NELL2: variants seen among roughly 807,000 people sequenced by gnomAD.
The protein encoded by NELL2 is protein kinase C-binding protein NELL2.
Under a neutral mutation model 109.6 loss-of-function variants are expected in NELL2, and 41 were observed. That is an observed-to-expected ratio of 0.37 (90% CI 0.29 to 0.49). The LOEUF (loss-of-function observed/expected upper bound fraction) is 0.49, where lower values mean the gene tolerates loss of function less well. NELL2 is among the 20% of genes least tolerant of loss of function. The pLI is 0.98. For missense variants in NELL2, 900 were observed against 1,008.3 expected (o/e 0.89, Z 1.45); for synonymous variants, 355 against 344.7 (o/e 1.03, Z -0.33).
intron 2 of NELL2, among the ~76,000 whole-genome samples, chr12:44,821,058 C>CAG (rs1566470822): frequency 6.6e-6 from 1 of 151,204 alleles, no homozygotes; most frequent in Non-Finnish European, 1.5e-5. Context: ...CACACACACA[C>CAG]ACACACACAC....
chr12:44,565,041 C>T (rs1943602980), intron 15 of NELL2, among the ~76,000 whole-genome samples: 1 of 152,132 alleles, frequency 6.6e-6, no homozygotes, highest in Non-Finnish European at 1.5e-5. Context: ...TTTCCTAGAC[C>T]TATGAAATCA....
chr12:44,522,394 C>T (rs1194221647), intron 17 of NELL2, among the ~76,000 whole-genome samples: 1 of 152,080 alleles, frequency 6.6e-6, no homozygotes, highest in Non-Finnish European at 1.5e-5. Context: ...ACATACTACT[C>T]CTCAAATGAC....
chr12:44,676,597 T>C (rs1948328828), intron 12 of NELL2, among the ~76,000 whole-genome samples: 1 of 152,172 alleles, frequency 6.6e-6, no homozygotes, highest in African/African-American at 2.4e-5. Flanking sequence ...TCATTCATTT[T>C]GTAATTTCAT....
In NELL2 at chr12:44,523,131, T is replaced by C. The variant is rs73282350; in HGVS notation, c.1998+160A>G. The C allele has an allele frequency of 1.0e-2, 7,421 of 744,376 alleles. 377 individuals carry two copies. The African/African-American group carries it at 0.12, about 12-fold the overall frequency. The allele number at this position is 744,376 out of a possible 1,614,324, so 46.1% of individuals were successfully genotyped here. On this transcript the variant is annotated intron_variant, in intron 17 of 19. Transcript: ENST00000429094. ...TTGTGGGACTAACTAGGAAAGAACA[T>C]AGGCAACATTTGGGATAATGGAAGT...
chr12:44,879,030 C>T (rs926747468), upstream of NELL2, among the ~76,000 whole-genome samples: 6 of 151,930 alleles, frequency 3.9e-5, no homozygotes, highest in South Asian at 2.1e-4. Flanking sequence ...AATATAATCA[C>T]GAGGGCCCTT....
chr12:44,743,828 T>C (rs568555776), intron 9 of NELL2, among the ~76,000 whole-genome samples: 11 of 152,254 alleles, frequency 7.2e-5, no homozygotes, highest in Admixed American at 3.3e-4. Context: ...CAAAGAGACT[T>C]AGACTCCCAC....
intron 3 of NELL2, among the ~76,000 whole-genome samples, chr12:44,781,781 G>A (rs548898391): frequency 2.0e-5 from 3 of 152,098 alleles, no homozygotes; most frequent in South Asian, 2.1e-4. Context: ...AGCTGTACAC[G>A]TAGAATTGTA....
intron 9 of NELL2, among the ~76,000 whole-genome samples, chr12:44,716,644 T>C (rs1281370312): frequency 6.6e-6 from 1 of 152,154 alleles, no homozygotes; most frequent in Non-Finnish European, 1.5e-5. Flanking sequence ...TAATAAGTAC[T>C]ATATTTTATA....
chr12:44,694,520 A>ACACACACACACACAC (rs1948995456), intron 12 of NELL2, among the ~76,000 whole-genome samples: 3 of 144,308 alleles, frequency 2.1e-5, no homozygotes, highest in African/African-American at 7.7e-5. Flanking sequence ...CACACATACA[A>ACACACACACACACAC]ACACACACAC....
intron 2 of NELL2, among the ~76,000 whole-genome samples, chr12:44,830,293 G>A (rs1343854226): frequency 6.6e-6 from 1 of 152,194 alleles, no homozygotes; most frequent in African/African-American, 2.4e-5. Context: ...CAGAGCTGAA[G>A]TACTGAAATG....
chr12:44,912,079 G>A (rs1463783456), intron 1 of NELL2, among the ~76,000 whole-genome samples: 1 of 151,820 alleles, frequency 6.6e-6, no homozygotes, highest in African/African-American at 2.4e-5. Flanking sequence ...TTGGGGGAGG[G>A]TAGTACTGAG....
intron 15 of NELL2, among the ~76,000 whole-genome samples, chr12:44,599,325 G>A (rs1945107949): frequency 6.6e-6 from 1 of 151,816 alleles, no homozygotes; most frequent in South Asian, 2.1e-4. Flanking sequence ...ATATGAGTAC[G>A]TTTAAAATTG....
chr12:44,727,845 A>T (rs1939161139), intron 9 of NELL2, among the ~76,000 whole-genome samples: 1 of 152,106 alleles, frequency 6.6e-6, no homozygotes, highest in African/African-American at 2.4e-5. Context: ...CACAATAACA[A>T]ATAATCAAAA....
At chr12:44,624,996 G>GTATATA (rs3072882) in intron 13 of NELL2, among the ~76,000 whole-genome samples, 96 of 71,104 alleles carry the variant, frequency 1.4e-3, no homozygotes, top group East Asian at 8.5e-3. Context: ...ATATGTGTGT[G>GTATATA]TATATATATA....
At chr12:44,759,897 T>A (rs374252094) in intron 9 of NELL2, among the ~76,000 whole-genome samples, 2 of 152,154 alleles carry the variant, frequency 1.3e-5, no homozygotes, top group Non-Finnish European at 1.5e-5. Flanking sequence ...AGGAAAGAAC[T>A]CAACCTCCTT....
intron 3 of NELL2, among the ~76,000 whole-genome samples, chr12:44,797,400 C>T (rs1037783107): frequency 1.3e-5 from 2 of 151,950 alleles, no homozygotes; most frequent in Non-Finnish European, 2.9e-5. Flanking sequence ...ATGCACATAG[C>T]AGATGTGCAA....
chr12:44,843,244 A>G (rs1944279263), intron 2 of NELL2, among the ~76,000 whole-genome samples: 1 of 152,178 alleles, frequency 6.6e-6, no homozygotes, highest in Admixed American at 6.5e-5. Flanking sequence ...AGTAGAATAA[A>G]TAATTAAACA....
At chr12:44,586,216 CAT>C (rs1448085632) in intron 15 of NELL2, among the ~76,000 whole-genome samples, 1 of 147,698 alleles carries the variant, frequency 6.8e-6, no homozygotes, top group Non-Finnish European at 1.5e-5. Flanking sequence ...TATATATAAT[CAT>C]ATATATCTAA....
At chr12:44,826,342 T>A (rs78033631) in intron 2 of NELL2, among the ~76,000 whole-genome samples, 2 of 152,000 alleles carry the variant, frequency 1.3e-5, no homozygotes, top group African/African-American at 4.8e-5. Context: ...GAGATTATCA[T>A]TTTTTTTCAG....
Sources: allele counts gnomAD v4.1 joint callset (sites outside exome capture counted in the v4.1 genomes callset), GRCh38; gene constraint gnomAD v4.1.1; transcripts MANE v1.5; gene names NCBI Gene and HGNC (gene_info 2026-07-23, HGNC 2026-07-21).